IMMP2L: variants seen among roughly 807,000 people sequenced by gnomAD.
IMMP2L encodes the protein inner mitochondrial membrane peptidase subunit 2, also known as mitochondrial inner membrane protease subunit 2.
A neutral mutation model predicts 19.3 loss-of-function variants in IMMP2L; 18 were observed. That is an observed-to-expected ratio of 0.93 (90% CI 0.64 to 1.38). The LOEUF (loss-of-function observed/expected upper bound fraction) is 1.38, where lower values mean the gene tolerates loss of function less well. IMMP2L is among the 40% of genes most tolerant of loss of function. The pLI is 0.00. For synonymous variants in IMMP2L, 76 were observed against 73.0 expected (o/e 1.04, Z -0.21); for missense variants, 233 against 218.2 (o/e 1.07, Z -0.43).
chr7:111,039,892 A>G (rs1489608799), intron 3 of IMMP2L, among the ~76,000 whole-genome samples: 2 of 152,180 alleles, frequency 1.3e-5, no homozygotes, highest in African/African-American at 2.4e-5. Flanking sequence ...TGGACTGGGC[A>G]GGGTGGTTCA....
intron 3 of IMMP2L, among the ~76,000 whole-genome samples, chr7:111,476,647 T>C (rs1203556565): frequency 6.6e-6 from 1 of 152,142 alleles, no homozygotes. Flanking sequence ...CATTAAGTTG[T>C]TGGCAAAATT....
At chr7:111,482,261 G>A (rs1842256262) in intron 3 of IMMP2L, among the ~76,000 whole-genome samples, 1 of 152,038 alleles carries the variant, frequency 6.6e-6, no homozygotes, top group African/African-American at 2.4e-5. Context: ...CTGTAAATCT[G>A]TTTCATTATG....
intron 3 of IMMP2L, among the ~76,000 whole-genome samples, chr7:111,342,711 A>C (rs961972837): frequency 9.9e-5 from 15 of 152,226 alleles, no homozygotes; most frequent in Middle Eastern, 3.4e-3. Flanking sequence ...ATAATTATAT[A>C]TAATTTTCTG....
intron 3 of IMMP2L, among the ~76,000 whole-genome samples, chr7:111,268,555 AACTTC>A (rs1222443174): frequency 7.1e-6 from 1 of 140,326 alleles, no homozygotes; most frequent in Non-Finnish European, 1.5e-5. Context: ...ATATGAGTTA[AACTTC>A]ACATTTCTCT....
intron 5 of IMMP2L, among the ~76,000 whole-genome samples, chr7:110,798,482 T>G (rs1030594712): frequency 6.6e-6 from 1 of 151,968 alleles, no homozygotes; most frequent in Admixed American, 6.6e-5. Flanking sequence ...TTTAAAGAGA[T>G]AAACTTAGAC....
rs1252075205 is a variant in IMMP2L at position 110,728,191 on chromosome 7, T to C, written c.409-64470A>G. On this transcript the variant is annotated intron_variant, in intron 5 of 5. Transcript: ENST00000405709. The surrounding 1 kb of genome is among the most constrained non-coding windows in gnomAD (Gnocchi z 4.6). ...TCTGCCATGCTTGTTGTTGTTGTTATCAATATTATTAATAATCTTAAAGGC... is the reference window on the plus strand; with the variant it reads ...TCTGCCATGCTTGTTGTTGTTGTTACCAATATTATTAATAATCTTAAAGGC... Among the ~76,000 whole-genome samples, 2 of 152,170 alleles carry C rather than the reference T, an allele frequency of 1.3e-5. No individual in the cohort carries two copies. Among genetic ancestry groups the C allele is most frequent in the Non-Finnish European group, 2.9e-5 (2 of 68,046 alleles).
At chr7:111,425,003 C>A (rs1325254510) in intron 3 of IMMP2L, among the ~76,000 whole-genome samples, 1 of 151,676 alleles carries the variant, frequency 6.6e-6, no homozygotes, top group African/African-American at 2.4e-5. Context: ...GGTCATTAGT[C>A]ATTACATGAA....
intron 3 of IMMP2L, among the ~76,000 whole-genome samples, chr7:111,179,336 C>A (rs2129610680): frequency 6.6e-6 from 1 of 152,176 alleles, no homozygotes; most frequent in African/African-American, 2.4e-5. Context: ...ATATGGCCAA[C>A]ACAAATTCAT....
At chr7:110,780,605 C>G (rs1049112128) in intron 5 of IMMP2L, among the ~76,000 whole-genome samples, 1 of 151,826 alleles carries the variant, frequency 6.6e-6, no homozygotes, top group East Asian at 2.0e-4. Context: ...ACCCCTTCCC[C>G]ACGTTGCCAA....
At chr7:110,672,422 T>C (rs138477965) in intron 5 of IMMP2L, among the ~76,000 whole-genome samples, 1 of 152,004 alleles carries the variant, frequency 6.6e-6, no homozygotes. Flanking sequence ...AACCATATCA[T>C]TCCACACCCA....
At chr7:110,972,290 T>C (rs905863407) in intron 3 of IMMP2L, among the ~76,000 whole-genome samples, 1 of 152,146 alleles carries the variant, frequency 6.6e-6, no homozygotes, top group African/African-American at 2.4e-5. Context: ...CTCCAGTTGC[T>C]ACATTATCAG....
intron 1 of IMMP2L, among the ~76,000 whole-genome samples, chr7:111,543,773 T>C (rs1367420741): frequency 6.6e-6 from 1 of 152,194 alleles, no homozygotes; most frequent in Non-Finnish European, 1.5e-5. Context: ...TTTTATTCCA[T>C]AATCAAATAG....
intron 1 of IMMP2L, among the ~76,000 whole-genome samples, chr7:111,540,019 G>T (rs1173976533): frequency 6.6e-6 from 1 of 152,014 alleles, no homozygotes. Context: ...ATTCATAACA[G>T]AACACCAAAA....
chr7:111,145,958 T>C (rs1299702034), intron 3 of IMMP2L, among the ~76,000 whole-genome samples: 1 of 152,102 alleles, frequency 6.6e-6, no homozygotes, highest in African/African-American at 2.4e-5. Context: ...AGAGTAATTA[T>C]TGAAAAGTAT....
chr7:111,075,313 A>C (rs1330170210), intron 3 of IMMP2L, among the ~76,000 whole-genome samples: 1 of 151,826 alleles, frequency 6.6e-6, no homozygotes, highest in Non-Finnish European at 1.5e-5. Context: ...TTTTTAGTAG[A>C]GATGGGGTTT....
intron 3 of IMMP2L, among the ~76,000 whole-genome samples, chr7:111,485,574 C>G (rs6953871): frequency 0.18 from 20,165 of 112,042 alleles, 2,883 homozygotes; most frequent in African/African-American, 0.44. Flanking sequence ...CTCCAGCCTG[C>G]GCAACAGAGC....
chr7:111,418,502 A>T (rs886312645), intron 3 of IMMP2L, among the ~76,000 whole-genome samples: 3 of 151,812 alleles, frequency 2.0e-5, no homozygotes, highest in East Asian at 1.9e-4. Flanking sequence ...ACCTAATCTG[A>T]TATCTTTTCA....
chr7:110,778,267 A>G (rs1231370738), intron 5 of IMMP2L, among the ~76,000 whole-genome samples: 6 of 151,982 alleles, frequency 3.9e-5, no homozygotes, highest in Admixed American at 2.0e-4. Flanking sequence ...ATATGTGACC[A>G]AATATAAAAC....
chr7:111,240,669 T>C, intron 3 of IMMP2L, among the ~76,000 whole-genome samples: 1 of 151,914 alleles, frequency 6.6e-6, no homozygotes. Context: ...TTTTAACAGA[T>C]TTTTGTTGCG....
Sources: allele counts gnomAD v4.1 joint callset (sites outside exome capture counted in the v4.1 genomes callset), GRCh38; gene constraint gnomAD v4.1.1; non-coding constraint Gnocchi (gnomAD v3.1); transcripts MANE v1.5; gene names NCBI Gene and HGNC (gene_info 2026-07-23, HGNC 2026-07-21).